ESS2: variants seen among roughly 807,000 people sequenced by gnomAD.
ESS2 encodes the protein splicing factor ESS-2 homolog.
A neutral mutation model predicts 52.0 loss-of-function variants in ESS2; 31 were observed. The observed-to-expected ratio is 0.60, with a 90% CI of 0.45 to 0.81. ESS2 has a LOEUF of 0.81. ESS2 is among the 30% of genes least tolerant of loss of function. ESS2 has a pLI of 0.00. For synonymous variants in ESS2, 285 were observed against 259.2 expected, an observed-to-expected ratio of 1.10 and a Z score of -0.95; for missense variants, 602 against 637.2, an observed-to-expected ratio of 0.94 and a Z score of 0.59.
At chr22:19,142,220 T>C (rs945977698) in intron 3 of ESS2, among the ~76,000 whole-genome samples, 19 of 152,174 alleles carry the variant, frequency 1.2e-4, no homozygotes, top group African/African-American at 4.3e-4. Context: ...GGAGAGGCCC[T>C]GAGGCATCTT....
At chr22:19,141,085 C>T (rs1569111915) in intron 3 of ESS2, among the ~76,000 whole-genome samples, 1 of 149,794 alleles carries the variant, frequency 6.7e-6, no homozygotes, top group Non-Finnish European at 1.5e-5. Flanking sequence ...AGTTTAAAAC[C>T]AGCCTGGGCA....
intron 1 of ESS2, chr22:19,144,102 G>A: frequency 9.9e-7 from 1 of 1,012,194 alleles, no homozygotes; most frequent in Non-Finnish European, 1.2e-6. Flanking sequence ...TGCGTGTGGT[G>A]GGGCGACGCA....
At chr22:19,142,379 T>C (rs2146107497) in intron 3 of ESS2, among the ~76,000 whole-genome samples, 159 bp downstream of exon 3, 1 of 152,368 alleles carries the variant, frequency 6.6e-6, no homozygotes, top group East Asian at 1.9e-4. Context: ...TTCTACCACC[T>C]AGACCAATGT....
chr22:19,135,494 G>A (rs117412761), intron 8 of ESS2, among the ~76,000 whole-genome samples: 1,825 of 152,262 alleles, frequency 0.012, 20 homozygotes, highest in South Asian at 0.043. Flanking sequence ...TCTGTATTTC[G>A]GGCGCTTCCC....
Position 19,132,629 on chromosome 22 carries a change from AT to A in ESS2, c.*1566del. 1.3e-6 allele frequency: 1 copy of A among 758,402 alleles called. No individual in the cohort carries two copies. The highest frequency in any genetic ancestry group is 2.2e-6 in the Non-Finnish European group (1 of 456,768). 47.0% of individuals were successfully genotyped at this position (758,402 alleles called of 1,614,324 possible). A position where few individuals can be genotyped will look rare whatever the true frequency, so the allele number is the denominator to read the frequency against. ...TAAACCACTATTTTGATTACGTTCC[AT>A]TAGCTTTCTTCCACTTAGCAGCAAA... On this transcript the variant is annotated 3_prime_UTR_variant, in exon 10 of 10. Transcript: ENST00000252137. This position sits in a 1 kb window ranked among gnomAD's most constrained non-coding sequence, Gnocchi z 4.2.
rs2083506837 is a variant in ESS2, at chr22:19,131,533, G to GC, written c.*2662dup. The GC allele has an allele frequency of 6.2e-7, 1 of 1,614,014 alleles. No homozygotes were observed. The highest frequency in any genetic ancestry group is 8.5e-7 in the Non-Finnish European group (1 of 1,180,032). On this transcript the variant is annotated 3_prime_UTR_variant, in exon 10 of 10. Coordinates refer to ENST00000252137, the MANE Select transcript of ESS2 (RefSeq NM_022719.3). The surrounding 1 kb of genome is among the most constrained non-coding windows in gnomAD (Gnocchi z 5.7). ...AATGTGGCTGTCAAGATCATCGACCGCAAGAAAACACCTACTGACTTTGTG... is the reference window on the plus strand; with the variant it reads ...AATGTGGCTGTCAAGATCATCGACCGCCAAGAAAACACCTACTGACTTTGTG...
In ESS2 at chr22:19,144,584, G is replaced by C; in HGVS notation, c.57C>G (p.Pro19=). The C allele has an allele frequency of 6.2e-7, 1 of 1,601,664 alleles. No homozygotes were observed. The highest frequency in any genetic ancestry group is 8.5e-7 in the Non-Finnish European group (1 of 1,173,234). ...CCTCTCCCGCCTCGCGCTTCCTCGG[G>C]GGCCTGGACGCGGCGGGAAGCAACA... ...SSLLLPAASR[P]PRKREAGEAG... is the part of the protein sequence containing the mutation. The change falls in exon 1 of 10, where the codon CCC becomes CCG. Residue 19 remains proline, a synonymous_variant. Coordinates refer to ENST00000252137, the MANE Select transcript of ESS2 (RefSeq NM_022719.3).
At chr22:19,138,583 G>C in intron 6 of ESS2, 1 of 590,000 alleles carries the variant, frequency 1.7e-6, no homozygotes, top group Non-Finnish European at 3.1e-6. Flanking sequence ...CTCCACTCGA[G>C]CTGCGCCTAT....
Position 19,134,435 on chromosome 22 carries a change from G to A in ESS2, c.1192C>T (p.Leu398=). ...GCCGTCCTGCTCACAAGGCGCTGTA[G>A]GGCTGGCGACATGGCTGGGCTCAGG... The part of the protein sequence containing the change: ...KGLSPAMSPA[L]QRLVSRTASK... The change falls in exon 10 of 10, where the codon CTA becomes TTA. Residue 398 remains leucine (L), a synonymous_variant. Coordinates refer to ENST00000252137, the MANE Select transcript of ESS2 (RefSeq NM_022719.3). 6.3e-7 allele frequency: 1 copy of A among 1,593,146 alleles called. No homozygotes were observed. The highest frequency in any genetic ancestry group is 8.6e-7 in the Non-Finnish European group (1 of 1,168,322).
At chr22:19,137,666 A>G in intron 7 of ESS2, 1 of 908,924 alleles carries the variant, frequency 1.1e-6, no homozygotes, top group Non-Finnish European at 1.3e-6. Context: ...TGCTTAGCCT[A>G]CAAGCCTCTG....
chr22:19,139,784 A>G, intron 4 of ESS2, 55 bp from the exon 5 acceptor site: 3 of 1,613,946 alleles, frequency 1.9e-6, no homozygotes, highest in East Asian at 2.2e-5. Context: ...CATTGTACCC[A>G]TGGCCCTGGG....
intron 7 of ESS2, 193 bp downstream of exon 7, chr22:19,138,022 C>G (rs1022910673): frequency 1.4e-5 from 14 of 985,404 alleles, no homozygotes; most frequent in Non-Finnish European, 1.7e-5. Flanking sequence ...GAGAGTCCAG[C>G]CCACCCACGG....
intron 1 of ESS2, chr22:19,143,958 C>A: frequency 1.2e-6 from 1 of 842,026 alleles, no homozygotes; most frequent in Non-Finnish European, 1.4e-6. Flanking sequence ...AGACCTTGCT[C>A]CCGAGCTGCA....
chr22:19,137,093 G>A (rs1025317647), intron 8 of ESS2, among the ~76,000 whole-genome samples: 5 of 152,064 alleles, frequency 3.3e-5, no homozygotes, highest in African/African-American at 1.2e-4. Context: ...GGATCCAGAG[G>A]GCCCAAGCCA....
At position 19,131,888 on chromosome 22, in the gene ESS2, G is replaced by A. The variant is rs1450055762; in HGVS notation, c.*2308C>T. 2 of 1,614,136 alleles carry A rather than the reference G, an allele frequency of 1.2e-6. No homozygotes were observed. Among genetic ancestry groups the A allele is most frequent in the Non-Finnish European group, 1.7e-6 (2 of 1,180,026 alleles). ...TTGGCTTCTCCAAGCGCTGCCTGCG[G>A]GACAGCAATGGGCGCATCATCCTCA... On this transcript the variant is annotated 3_prime_UTR_variant, in exon 10 of 10. Transcript: ENST00000252137. The surrounding 1 kb of genome is among the most constrained non-coding windows in gnomAD (Gnocchi z 5.7).
intron 7 of ESS2, chr22:19,137,750 C>A: frequency 1.0e-6 from 1 of 985,414 alleles, no homozygotes; most frequent in Non-Finnish European, 1.2e-6. Flanking sequence ...GAACCCCAGG[C>A]AAACCTGTGG....
At position 19,131,480 on chromosome 22, in the gene ESS2, A is replaced by G. The variant is rs1569102322; in HGVS notation, c.*2716T>C. ...GCAAGGGTTCCTACGCAAAAGTCAA[A>G]TCTGCCTACTCTGAGCGCCTCAAGT... On this transcript the variant is annotated 3_prime_UTR_variant, in exon 10 of 10. Coordinates refer to ENST00000252137, the MANE Select transcript of ESS2 (RefSeq NM_022719.3). This position sits in a 1 kb window ranked among gnomAD's most constrained non-coding sequence, Gnocchi z 5.7. The G allele has an allele frequency of 2.5e-6, 4 of 1,614,118 alleles. No individual in the cohort carries two copies. In the East Asian group the frequency reaches 6.7e-5, roughly 27 times the overall value.
chr22:19,139,140 T>C lies in ESS2; in HGVS notation c.822+19A>G. On this transcript the variant is annotated intron_variant, in intron 6 of 9. Transcript: ENST00000252137. ...CTGTCCAACCTGGCCCATGCGGCCC[T>C]GCTGACCCGCCTGCTCACCTGGGCA... The C allele has an allele frequency of 6.4e-7, 1 of 1,572,026 alleles. No homozygotes were observed. Among genetic ancestry groups the C allele is most frequent in the Non-Finnish European group, 8.6e-7 (1 of 1,159,416 alleles).
chr22:19,144,469 G>A, intron 1 of ESS2, 37 bp downstream of exon 1: 1 of 1,610,750 alleles, frequency 6.2e-7, no homozygotes, highest in Non-Finnish European at 8.5e-7. Context: ...GCAGAGGATG[G>A]GCCCAGAAGT....
Sources: allele counts gnomAD v4.1 joint callset (sites outside exome capture counted in the v4.1 genomes callset), GRCh38; gene constraint gnomAD v4.1.1; non-coding constraint Gnocchi (gnomAD v3.1); transcripts MANE v1.5; gene names NCBI Gene and HGNC (gene_info 2026-07-23, HGNC 2026-07-21).